AGTR1: variants seen among roughly 807,000 people sequenced by gnomAD.
The protein encoded by AGTR1 is angiotensin II receptor type 1.
In AGTR1, 16 loss-of-function variants were observed where a neutral mutation model predicts 19.4. The observed-to-expected ratio is 0.82, with a 90% confidence interval of 0.56 to 1.25. AGTR1 has a LOEUF of 1.25. Ranked by LOEUF, AGTR1 falls within the 50% of genes most tolerant of loss-of-function variation. AGTR1 has a pLI of 0.00. For missense variants in AGTR1, 373 were observed against 431.9 expected (o/e 0.86, Z 1.21); for synonymous variants, 153 against 154.9 (o/e 0.99, Z 0.09).
chr3:148,723,885 C>G (rs1713784000), intron 2 of AGTR1, among the ~76,000 whole-genome samples: 1 of 152,148 alleles, frequency 6.6e-6, no homozygotes, highest in Admixed American at 6.5e-5. Context: ...AGTCTTCAGT[C>G]TAGTTAAAAC....
At chr3:148,736,788 A>G (rs1714591883) in intron 2 of AGTR1, among the ~76,000 whole-genome samples, 2 of 152,216 alleles carry the variant, frequency 1.3e-5, no homozygotes, top group Admixed American at 1.3e-4. Flanking sequence ...GAATTCATGT[A>G]AGCCACAGAG....
intron 2 of AGTR1, among the ~76,000 whole-genome samples, chr3:148,714,367 G>A (rs979101173): frequency 3.9e-5 from 6 of 152,264 alleles, no homozygotes; most frequent in Middle Eastern, 3.4e-3. Flanking sequence ...TTAGGAAGAA[G>A]GAGGAAGCTA....
intron 2 of AGTR1, chr3:148,730,581 T>C (rs1354999993): frequency 5.7e-6 from 1 of 174,436 alleles, no homozygotes; most frequent in Admixed American, 6.3e-5. Flanking sequence ...AGGGTACTTT[T>C]GTTGTTTGTT....
chr3:148,715,426 A>T (rs1189797346), intron 2 of AGTR1, among the ~76,000 whole-genome samples: 3 of 152,182 alleles, frequency 2.0e-5, no homozygotes, highest in African/African-American at 7.2e-5. Context: ...TACTATTTCC[A>T]ATAGATGGGA....
Position 148,742,595 on chromosome 3 carries a change from T to C in AGTR1, c.*480T>C. 3.9e-6 allele frequency: 1 copy of C among 258,402 alleles called. No homozygotes were observed. Among genetic ancestry groups the C allele is most frequent in the East Asian group, 1.1e-4 (1 of 8,826 alleles). 16.0% of individuals were successfully genotyped at this position (258,402 alleles called of 1,614,324 possible). A position where few individuals can be genotyped will look rare whatever the true frequency, so the allele number is the denominator to read the frequency against. ...ACTGTGCTACACTTGCACCTGGTAC[T>C]GCACATTTTGTACAAAGATATGCTA... is the stretch of plus-strand genomic sequence containing the variant. On this transcript the variant is annotated 3_prime_UTR_variant, in exon 3 of 3. Transcript: ENST00000349243.
intron 2 of AGTR1, chr3:148,740,100 G>C: frequency 1.2e-6 from 1 of 849,168 alleles, no homozygotes; most frequent in Middle Eastern, 4.0e-4. Flanking sequence ...GCAAATATTT[G>C]CATGGCTTTG....
chr3:148,729,062 TC>T (rs1476905660), intron 2 of AGTR1, among the ~76,000 whole-genome samples: 2 of 152,170 alleles, frequency 1.3e-5, no homozygotes, highest in Non-Finnish European at 1.5e-5. Flanking sequence ...AGTTTTAATA[TC>T]TCCTGAAGAA....
intron 2 of AGTR1, among the ~76,000 whole-genome samples, chr3:148,732,951 G>A (rs988442811): frequency 2.0e-5 from 3 of 151,216 alleles, no homozygotes; most frequent in South Asian, 2.1e-4. Flanking sequence ...CGTTTTAGCC[G>A]GGATGGTCTC....
intron 2 of AGTR1, among the ~76,000 whole-genome samples, chr3:148,720,262 A>G (rs1434631236): frequency 6.6e-6 from 1 of 152,136 alleles, no homozygotes; most frequent in East Asian, 1.9e-4. Flanking sequence ...GCAGAAACAC[A>G]CACACACCAC....
chr3:148,716,765 G>A lies in AGTR1; in HGVS notation c.-48+8738G>A, dbSNP rs191309462. 1.3e-5 allele frequency among the ~76,000 whole-genome samples: 2 copies of A among 152,212 alleles called. No homozygotes were observed. Among genetic ancestry groups the A allele is most frequent in the East Asian group, 3.9e-4 (2 of 5,182 alleles). ...AAGTTGCATTTTAAGCAAGATTATG[G>A]TTTTTTCTTTGAGTTCTCTGAATTT... On this transcript the variant is annotated intron_variant, in intron 2 of 2. Transcript: ENST00000349243. The surrounding 1 kb of genome is among the most constrained non-coding windows in gnomAD (Gnocchi z 4.7).
chr3:148,729,712 A>T (rs1714147730), intron 2 of AGTR1, among the ~76,000 whole-genome samples: 1 of 152,190 alleles, frequency 6.6e-6, no homozygotes, highest in African/African-American at 2.4e-5. Flanking sequence ...AAAGAAATGG[A>T]GTGGTAGATA....
intron 1 of AGTR1, among the ~76,000 whole-genome samples, chr3:148,704,138 C>T (rs914618220): frequency 6.6e-6 from 1 of 151,838 alleles, no homozygotes; most frequent in Non-Finnish European, 1.5e-5. Flanking sequence ...CACTTGAGGC[C>T]AGGAGTTTGA....
At chr3:148,705,801 C>T (rs1199148060) in intron 1 of AGTR1, among the ~76,000 whole-genome samples, 3 of 151,502 alleles carry the variant, frequency 2.0e-5, no homozygotes, top group Non-Finnish European at 2.9e-5. Flanking sequence ...ACATATGAAT[C>T]GTAAGTGTGA....
intron 2 of AGTR1, among the ~76,000 whole-genome samples, chr3:148,719,101 T>A (rs947372281): frequency 1.3e-5 from 2 of 152,170 alleles, no homozygotes; most frequent in African/African-American, 4.8e-5. Flanking sequence ...AACATGCAAT[T>A]AGGTATTGAA....
rs5184 is a variant in AGTR1 at position 148,742,117 on chromosome 3, A to G, written c.*2A>G. 741 of 1,614,076 alleles carry G rather than the reference A, an allele frequency of 4.6e-4. 8 individuals carry two copies. In the African/African-American group the frequency reaches 9.1e-3, roughly 20 times the overall value. The stretch of plus-strand genomic sequence containing the variant: ...GCACCATGTTTTGAGGTTGAGTGAC[A>G]TGTTCGAAACCTGTCCATAAAGTAA... On this transcript the variant is annotated 3_prime_UTR_variant, in exon 3 of 3. Coordinates refer to ENST00000349243, the MANE Select transcript of AGTR1 (RefSeq NM_000685.5).
intron 2 of AGTR1, among the ~76,000 whole-genome samples, chr3:148,715,869 C>T (rs1457236097): frequency 6.6e-6 from 1 of 151,978 alleles, no homozygotes; most frequent in Non-Finnish European, 1.5e-5. Context: ...TAGTGAGAAC[C>T]TGTGACTATA....
rs2107941816 is a variant in AGTR1, at chr3:148,716,783, CTGAATT to C, written c.-48+8762_-48+8767del. Among the ~76,000 whole-genome samples, 1 of 152,226 alleles carries C rather than the reference CTGAATT, an allele frequency of 6.6e-6. No individual in the cohort carries two copies. The highest frequency in any genetic ancestry group is 6.5e-5 in the Admixed American group (1 of 15,278). On this transcript the variant is annotated intron_variant, in intron 2 of 2. Transcript: ENST00000349243. The surrounding 1 kb of genome is among the most constrained non-coding windows in gnomAD (Gnocchi z 4.7). ...GATTATGGTTTTTTCTTTGAGTTCT[CTGAATT>C]TGAATAGTTTCTTAACCTTAGTTTT... is the stretch of plus-strand genomic sequence containing the variant.
intron 2 of AGTR1, among the ~76,000 whole-genome samples, chr3:148,739,417 T>A (rs1446624364): frequency 6.6e-6 from 1 of 150,742 alleles, no homozygotes; most frequent in Non-Finnish European, 1.5e-5. Flanking sequence ...CTCAAAAAAG[T>A]TGGGAAGGCT....
intron 2 of AGTR1, among the ~76,000 whole-genome samples, chr3:148,712,676 A>G (rs1713059255): frequency 6.6e-6 from 1 of 152,200 alleles, no homozygotes; most frequent in African/African-American, 2.4e-5. Context: ...TAACAATGCA[A>G]AGCAAGAAAT....
Sources: gnomAD v4.1 joint callset for allele counts (sites outside exome capture counted in the v4.1 genomes callset) on GRCh38, gnomAD v4.1.1 for gene constraint, Gnocchi (gnomAD v3.1) non-coding constraint, MANE v1.5 for transcripts, NCBI Gene and HGNC (gene_info 2026-07-23, HGNC 2026-07-21) for gene names.